GUK1: variants seen among roughly 807,000 people sequenced by gnomAD.
The protein encoded by GUK1 is guanylate kinase 1, also known as guanylate kinase.
A neutral mutation model predicts 25.2 loss-of-function variants in GUK1; 18 were observed. The observed-to-expected ratio is 0.71, with a 90% CI of 0.49 to 1.06. The LOEUF is 1.06. GUK1 is among the 50% of genes least tolerant of loss of function. GUK1 has a pLI of 0.00. For synonymous variants in GUK1, 105 were observed against 117.6 expected (o/e 0.89, Z 0.69); for missense variants, 261 against 276.7 (o/e 0.94, Z 0.40).
chr1:228,143,988 G>A (rs2034214495), intron 2 of GUK1, among the ~76,000 whole-genome samples: 1 of 152,200 alleles, frequency 6.6e-6, no homozygotes, highest in Non-Finnish European at 1.5e-5. Flanking sequence ...GTGTGTTTGT[G>A]ATCAATGACA....
At chr1:228,140,128 G>T (rs1285879270), upstream of GUK1, 6 of 592,026 alleles carry the variant, frequency 1.0e-5, no homozygotes, top group Non-Finnish European at 1.8e-5. Context: ...ACAGGCCAGC[G>T]CAGGTGGAGG....
chr1:228,147,582 C>A (rs377617567), intron 6 of GUK1, 33 bp from the exon 6 acceptor site: 3 of 1,612,750 alleles, frequency 1.9e-6, no homozygotes, highest in Non-Finnish European at 2.5e-6. Context: ...GGGGCCAGGG[C>A]ATGCCAGGCT....
At chr1:228,146,691 T>G (rs1571895120) in intron 4 of GUK1, 151 bp from the exon 4 acceptor site, 1 of 645,840 alleles carries the variant, frequency 1.5e-6, no homozygotes, top group South Asian at 1.7e-5. Context: ...ACTTGAGGGG[T>G]CCTCAGATGT....
At chr1:228,144,802 G>A (rs2034278349) in intron 2 of GUK1, 2 of 837,854 alleles carry the variant, frequency 2.4e-6, no homozygotes, top group Non-Finnish European at 2.9e-6. Flanking sequence ...GCCAGCTCCC[G>A]GGCCCTCACC....
Position 228,148,713 on chromosome 1 carries a change from C to T in GUK1, c.*16C>T, listed in dbSNP as rs1224363360. 6.2e-7 allele frequency: 1 copy of T among 1,607,390 alleles called. No homozygotes were observed. The highest frequency in any genetic ancestry group is 8.5e-7 in the Non-Finnish European group (1 of 1,178,396). On this transcript the variant is annotated 3_prime_UTR_variant, in exon 9 of 9. Coordinates refer to ENST00000312726, the MANE Select transcript of GUK1 (RefSeq NM_000858.7). ...CGGCGCCTGAGGCTTGCTGTCTGTT[C>T]TCGGCACCCCGGGCCCATACAGGAC...
chr1:228,140,339 G>T lies in GUK1; in HGVS notation c.-192G>T, dbSNP rs761882379. Reference sequence around the variant, plus strand: ...CCCGCTGGCCGGGCTGGCTGCGGCCGCCCTGGGCCGGGCCCCACCGGACGG... The same window carrying T: ...CCCGCTGGCCGGGCTGGCTGCGGCCTCCCTGGGCCGGGCCCCACCGGACGG... On this transcript the variant is annotated 5_prime_UTR_variant, in exon 1 of 9. Transcript: ENST00000312726. 1.5e-4 allele frequency: 224 copies of T among 1,526,446 alleles called. No homozygotes were observed. The highest frequency in any genetic ancestry group is 1.9e-4 in the Non-Finnish European group (218 of 1,144,274). 94.6% of individuals were successfully genotyped at this position (1,526,446 alleles called of 1,614,324 possible). A position where few individuals can be genotyped will look rare whatever the true frequency, so the allele number is the denominator to read the frequency against.
intron 5 of GUK1, 134 bp from the exon 5 acceptor site, chr1:228,147,272 G>C (rs1299870955): frequency 1.2e-6 from 1 of 828,360 alleles, no homozygotes; most frequent in Non-Finnish European, 1.9e-6. Context: ...ATGCTGTCGG[G>C]TGCTGGGTCC....
intron 1 of GUK1, among the ~76,000 whole-genome samples, chr1:228,140,725 C>A (rs1323820582): frequency 6.6e-6 from 1 of 152,242 alleles, no homozygotes; most frequent in African/African-American, 2.4e-5. Flanking sequence ...GTGTGCGCTC[C>A]GGTTCCCACC....
At chr1:228,146,144 G>A in intron 4 of GUK1, 77 bp downstream of exon 3, 4 of 953,188 alleles carry the variant, frequency 4.2e-6, no homozygotes, top group East Asian at 2.4e-5. Flanking sequence ...TGTGTTGGCT[G>A]TGCTGCCCGT....
chr1:228,143,683 C>CAG (rs2034192878), intron 2 of GUK1, among the ~76,000 whole-genome samples: 1 of 152,162 alleles, frequency 6.6e-6, no homozygotes, highest in Non-Finnish European at 1.5e-5. Flanking sequence ...AGAACCCTGG[C>CAG]CACTGCAGTG....
chr1:228,141,489 C>A, intron 2 of GUK1: 2 of 402,298 alleles, frequency 5.0e-6, no homozygotes, highest in Non-Finnish European at 7.1e-6. Context: ...CAGCCCAGAG[C>A]CCAGGCCCAC....
upstream of GUK1, chr1:228,140,255 G>T: frequency 1.3e-6 from 2 of 1,483,584 alleles, no homozygotes; most frequent in African/African-American, 1.4e-5. Flanking sequence ...GAGGTGGGCC[G>T]GTGCGGCGCT....
chr1:228,146,416 C>G, intron 4 of GUK1: 2 of 455,546 alleles, frequency 4.4e-6, no homozygotes, highest in Non-Finnish European at 7.9e-6. Flanking sequence ...ACTCTGCCTG[C>G]CTGATTCAAG....
At chr1:228,146,246 G>A in intron 4 of GUK1, 179 bp downstream of exon 3, 1 of 596,310 alleles carries the variant, frequency 1.7e-6, no homozygotes, top group Non-Finnish European at 3.1e-6. Context: ...ACAGCGTGGT[G>A]TCGCCTTCCT....
intron 2 of GUK1, among the ~76,000 whole-genome samples, chr1:228,142,376 G>A (rs1232375729): frequency 6.6e-6 from 1 of 152,210 alleles, no homozygotes; most frequent in African/African-American, 2.4e-5. Context: ...GCACAGCTGC[G>A]CAGACAACGC....
chr1:228,141,814 A>T, intron 2 of GUK1: 1 of 1,206,454 alleles, frequency 8.3e-7, no homozygotes, highest in Non-Finnish European at 1.1e-6. Flanking sequence ...TCCTGTGGAG[A>T]CCACGTGCCT....
intron 2 of GUK1, chr1:228,144,844 C>T (rs2034281326): frequency 4.3e-6 from 2 of 466,830 alleles, no homozygotes; most frequent in Non-Finnish European, 5.6e-6. Context: ...TCCTGTTTGC[C>T]TTTCCCTTGG....
At position 228,148,446 on chromosome 1, in the gene GUK1, C is replaced by G. The variant is rs202143318; in HGVS notation, c.551C>G (p.Ala184Gly). ...CAGGCCTACGCAGAGCTGAAGGAGG[C>G]GCTCTCTGAGGTGGGCCCATCCTTG... Residue 184 changes from alanine to glycine, a missense_variant, in exon 8 of 9, where the codon GCG (alanine) becomes GGG (glycine). Ala to Gly is a moderately conservative substitution (Grantham distance 60). Transcript: ENST00000312726. 1.9e-6 allele frequency: 3 copies of G among 1,571,054 alleles called. No homozygotes were observed. The South Asian group carries it at 3.5e-5, about 18-fold the overall frequency.
At position 228,146,924 on chromosome 1, in the gene GUK1, C is replaced by A. The variant is rs753634322; in HGVS notation, c.237C>A (p.Asn79Lys). 6.0e-5 allele frequency: 97 copies of A among 1,612,356 alleles called. No homozygotes were observed. In the Middle Eastern group the frequency reaches 6.6e-4, roughly 11 times the overall value. The change falls in exon 5 of 9, where the codon AAC becomes AAA. Residue 79 changes from asparagine (N) to lysine (K), a missense_variant. Physicochemically the swap from Asn to Lys is moderately conservative, Grantham distance 94 (BLOSUM62 0). Coordinates refer to ENST00000312726, the MANE Select transcript of GUK1 (RefSeq NM_000858.7). Reference sequence around the variant, plus strand: ...TCGAGCATGCCGAGTTCTCGGGGAACCTGTATGGCACGAGGTGGGCCATGC... The same window carrying A: ...TCGAGCATGCCGAGTTCTCGGGGAAACTGTATGGCACGAGGTGGGCCATGC...
Sources: gnomAD v4.1 joint callset for allele counts (sites outside exome capture counted in the v4.1 genomes callset) on GRCh38, gnomAD v4.1.1 for gene constraint, MANE v1.5 for transcripts, NCBI Gene and HGNC (gene_info 2026-07-23, HGNC 2026-07-21) for gene names.